Variants in FIGN observed in about 807,000 individuals in gnomAD.
FIGN encodes the protein fidgetin, microtubule severing factor.
FIGN carries 11 observed loss-of-function variants against 51.3 expected under a neutral mutation model. The observed-to-expected ratio is 0.21, with a 90% CI of 0.13 to 0.35. FIGN has a LOEUF of 0.35. Among genes scored for constraint, FIGN ranks in the 10% least tolerant of loss-of-function variants. FIGN has a pLI of 1.00. For synonymous variants in FIGN, 407 were observed against 363.2 expected, an observed-to-expected ratio of 1.12 and a Z score of -1.37; for missense variants, 857 against 943.6, an observed-to-expected ratio of 0.91 and a Z score of 1.20.
chr2:163,692,944 G>A (rs1365219331), intron 2 of FIGN, among the ~76,000 whole-genome samples: 1 of 152,190 alleles, frequency 6.6e-6, no homozygotes, highest in East Asian at 1.9e-4. Flanking sequence ...GATGCAATAG[G>A]TGGTCCCTAA....
chr2:163,733,106 T>C (rs758919369), intron 2 of FIGN, among the ~76,000 whole-genome samples: 2 of 152,144 alleles, frequency 1.3e-5, no homozygotes, highest in Non-Finnish European at 1.5e-5. Context: ...TATATGTATG[T>C]AAACTTTCAC....
chr2:163,710,693 C>T (rs934793365), intron 2 of FIGN, among the ~76,000 whole-genome samples: 2 of 152,106 alleles, frequency 1.3e-5, no homozygotes, highest in African/African-American at 4.8e-5. Context: ...TAACAAAACC[C>T]ACTCTTTAAC....
chr2:163,642,250 C>A (rs1683316854), intron 2 of FIGN, among the ~76,000 whole-genome samples: 1 of 152,228 alleles, frequency 6.6e-6, no homozygotes, highest in Non-Finnish European at 1.5e-5. Context: ...TAGGCTGATG[C>A]TAACCACTAG....
chr2:163,618,773 G>T (rs1682920014), intron 2 of FIGN, among the ~76,000 whole-genome samples: 1 of 152,048 alleles, frequency 6.6e-6, no homozygotes, highest in Non-Finnish European at 1.5e-5. Context: ...CCCTGACAAT[G>T]TCAGGTATTT....
chr2:163,673,557 T>G (rs1373046867), intron 2 of FIGN, among the ~76,000 whole-genome samples: 1 of 152,150 alleles, frequency 6.6e-6, no homozygotes, highest in African/African-American at 2.4e-5. Context: ...CTAGTTTCAT[T>G]AATACCTTCA....
chr2:163,610,244 T>G lies in FIGN; in HGVS notation c.1588A>C (p.Thr530Pro). 6.2e-7 allele frequency: 1 copy of G among 1,613,978 alleles called. No homozygotes were observed. The highest frequency in any genetic ancestry group is 8.5e-7 in the Non-Finnish European group (1 of 1,179,988). ...RSILLFGPRG[T>P]GKTLLGRCIA... is the part of the protein sequence containing the mutation. ...CATCTGCCCAATAATGTTTTGCCTG[T>G]CCCCCGAGGTCCAAATAAAAGGATG... Residue 530 changes from threonine (T) to proline (P), a missense_variant, in exon 3 of 3, where the codon ACA becomes CCA. This residue lies in a region of FIGN where 799 missense variants were observed against 849.5 expected (regional missense o/e 0.94). Transcript: ENST00000333129.
chr2:163,604,934 T>C lies in FIGN; in HGVS notation c.*4618A>G, dbSNP rs1691054648. ...AGTTTTAAGCCCAGAAATAAACTTT[T>C]GCTTTTTTTTTTTTTTTTTTTGTAT... is the stretch of plus-strand genomic sequence containing the variant. On this transcript the variant is annotated 3_prime_UTR_variant, in exon 3 of 3. Transcript: ENST00000333129. 1.0e-5 allele frequency: 1 copy of C among 99,900 alleles called. No homozygotes were observed. Among genetic ancestry groups the C allele is most frequent in the Non-Finnish European group, 2.0e-5 (1 of 48,966 alleles). 6.2% of individuals were successfully genotyped at this position (99,900 alleles called of 1,614,324 possible).
chr2:163,656,068 A>G (rs1468516277), intron 2 of FIGN, among the ~76,000 whole-genome samples: 1 of 152,198 alleles, frequency 6.6e-6, no homozygotes, highest in African/African-American at 2.4e-5. Context: ...TTTTACAAAT[A>G]ATCAAATACA....
intron 2 of FIGN, among the ~76,000 whole-genome samples, chr2:163,649,143 A>T (rs1237967516): frequency 6.6e-6 from 1 of 152,212 alleles, no homozygotes; most frequent in Non-Finnish European, 1.5e-5. Flanking sequence ...ATAGAATTAT[A>T]AAAAGAATTC....
intron 2 of FIGN, among the ~76,000 whole-genome samples, chr2:163,711,129 C>T (rs116736379): frequency 2.0e-3 from 305 of 152,236 alleles, no homozygotes; most frequent in African/African-American, 6.4e-3. Flanking sequence ...TATTAGAAGA[C>T]GCTTGCAGCT....
chr2:163,700,861 T>A (rs1684397494), intron 2 of FIGN, among the ~76,000 whole-genome samples: 1 of 152,060 alleles, frequency 6.6e-6, no homozygotes, highest in African/African-American at 2.4e-5. Flanking sequence ...GCCATGATAA[T>A]CAATTAACAA....
intron 2 of FIGN, among the ~76,000 whole-genome samples, chr2:163,699,215 T>G: frequency 6.6e-6 from 1 of 152,166 alleles, no homozygotes; most frequent in Non-Finnish European, 1.5e-5. Context: ...AGTTTTTAGT[T>G]GTTAGAACAG....
chr2:163,686,412 G>A (rs1052711570), intron 2 of FIGN, among the ~76,000 whole-genome samples: 2 of 152,116 alleles, frequency 1.3e-5, no homozygotes, highest in African/African-American at 4.8e-5. Flanking sequence ...AGTCTTTCTA[G>A]TGCTATTTAA....
rs1247226549 is a variant in FIGN at position 163,610,640 on chromosome 2, C to T, written c.1192G>A (p.Ala398Thr). 1.9e-6 allele frequency: 3 copies of T among 1,614,162 alleles called. No individual in the cohort carries two copies. In the South Asian group the frequency reaches 3.3e-5, roughly 18 times the overall value. ...GTACTGTAGGAAGGAGGGGTCAGAG[C>T]CCTACTGGACTGGCTGCTGAATTTC... ...QRKFSSQSSR[A>T]LTPPSYSTAK... Residue 398 changes from alanine (A) to threonine (T), a missense_variant, in exon 3 of 3, where the codon GCT (alanine) becomes ACT (threonine). By Grantham distance (58) the Ala-to-Thr change is moderately conservative (BLOSUM62 0). This residue lies in a region of FIGN where 799 missense variants were observed against 849.5 expected (regional missense o/e 0.94). Transcript: ENST00000333129.
chr2:163,734,774 A>T lies in FIGN; in HGVS notation c.25+129T>A, dbSNP rs535663254. The stretch of plus-strand genomic sequence containing the variant: ...AAAAGCATGGTGACATTAAACATAT[A>T]TTTTTTAAAAAAAGGAATTCTATAT... On this transcript the variant is annotated intron_variant, in intron 2 of 2. Transcript: ENST00000333129. 45 of 775,824 alleles carry T rather than the reference A, an allele frequency of 5.8e-5. No individual in the cohort carries two copies. The African/African-American group carries it at 6.9e-4, about 12-fold the overall frequency. The allele number at this position is 775,824 out of a possible 1,614,324, so 48.1% of individuals were successfully genotyped here.
At position 163,660,108 on chromosome 2, in the gene FIGN, T is replaced by TA. The variant is rs200482164; in HGVS notation, c.26-48303dup. On this transcript the variant is annotated intron_variant, in intron 2 of 2. Transcript: ENST00000333129. ...AGAGCAAGACTCTATCTCAAAAAAATAAAAAAAAACAAAAAATAAAAAAAA... is the reference window on the plus strand; with the variant it reads ...AGAGCAAGACTCTATCTCAAAAAAATAAAAAAAAAACAAAAAATAAAAAAAA... Among the ~76,000 whole-genome samples the TA allele has an allele frequency of 6.0e-3, 874 of 146,376 alleles. 11 individuals are homozygous for TA. Among genetic ancestry groups the TA allele is most frequent in the Middle Eastern group, 0.024 (7 of 294 alleles).
At chr2:163,700,129 G>A (rs757570943) in intron 2 of FIGN, among the ~76,000 whole-genome samples, 2 of 152,116 alleles carry the variant, frequency 1.3e-5, no homozygotes, top group Non-Finnish European at 1.5e-5. Context: ...CCTTGTGTTC[G>A]CATTTTGCAC....
At chr2:163,709,717 C>T (rs1313059328) in intron 2 of FIGN, among the ~76,000 whole-genome samples, 6 of 152,004 alleles carry the variant, frequency 3.9e-5, no homozygotes, top group Non-Finnish European at 8.8e-5. Flanking sequence ...GCCCCTATAA[C>T]AAGGTAAAAT....
Position 163,634,021 on chromosome 2 carries a change from T to G in FIGN, c.26-22215A>C, listed in dbSNP as rs536178569. Among the ~76,000 whole-genome samples, 3 of 152,114 alleles carry G rather than the reference T, an allele frequency of 2.0e-5. No homozygotes were observed. The South Asian group carries it at 6.2e-4, about 32-fold the overall frequency. ...GCCAATGCTTTAGGTCAGCTTCAAC[T>G]CTTTTCAGCACAGTCTCTCAGATTT... On this transcript the variant is annotated intron_variant, in intron 2 of 2. Transcript: ENST00000333129.
Sources: allele counts gnomAD v4.1 joint callset (sites outside exome capture counted in the v4.1 genomes callset), GRCh38; gene constraint gnomAD v4.1.1; regional missense constraint gnomAD v4.1.1; transcripts MANE v1.5; gene names NCBI Gene and HGNC (gene_info 2026-07-23, HGNC 2026-07-21).